WSCD2: variants seen among roughly 807,000 people sequenced by gnomAD.
WSCD2 encodes the protein WSC domain sialate O sulfotransferase 2.
In WSCD2, 28 loss-of-function variants were observed where a neutral mutation model predicts 55.7. That is an observed-to-expected ratio of 0.50 (90% confidence interval 0.37 to 0.69). The LOEUF is 0.69. Among genes scored for constraint, WSCD2 ranks in the 30% least tolerant of loss-of-function variants. The probability of loss-of-function intolerance (pLI) is 0.00; values close to 1 mark genes in which losing one functional copy is unlikely to be tolerated. For synonymous variants in WSCD2, 301 were observed against 301.9 expected (o/e 1.00, Z 0.03); for missense variants, 616 against 762.1 (o/e 0.81, Z 2.26).
chr12:108,154,943 T>C (rs750273601), intron 1 of WSCD2, among the ~76,000 whole-genome samples: 13 of 152,216 alleles, frequency 8.5e-5, no homozygotes, highest in Non-Finnish European at 1.8e-4. Context: ...AGAGTTTATC[T>C]GTGTACTACC....
rs141712982 is a variant in WSCD2 at position 108,242,798 on chromosome 12, T to G, written c.1345+2254T>G. On this transcript the variant is annotated intron_variant, in intron 8 of 8. Transcript: ENST00000547525. Reference sequence around the variant, plus strand: ...CCAACACCGACAGGCCCCACTCTTTTTCCTTATTCAAAACAGCTGGGAGCT... The same window carrying G: ...CCAACACCGACAGGCCCCACTCTTTGTCCTTATTCAAAACAGCTGGGAGCT... Among the ~76,000 whole-genome samples the G allele has an allele frequency of 2.7e-3, 411 of 152,310 alleles. 2 individuals are homozygous for G. The highest frequency in any genetic ancestry group is 4.9e-3 in the Non-Finnish European group (331 of 68,030).
At chr12:108,240,279 G>C in intron 7 of WSCD2, 65 bp from the exon 8 acceptor site, 1 of 1,594,092 alleles carries the variant, frequency 6.3e-7, no homozygotes, top group Non-Finnish European at 8.6e-7. Flanking sequence ...GCCCAGAAGA[G>C]AGTGGGGTGG....
intron 1 of WSCD2, among the ~76,000 whole-genome samples, chr12:108,138,196 A>G (rs1469027280): frequency 6.6e-6 from 1 of 152,196 alleles, no homozygotes; most frequent in East Asian, 1.9e-4. Context: ...GTGAGGTTCT[A>G]TCGTTTGATG....
rs747762720 is a variant in WSCD2 at position 108,196,222 on chromosome 12, C to A, written c.382+8C>A. 3.1e-6 allele frequency: 5 copies of A among 1,607,424 alleles called. No individual in the cohort carries two copies. Among genetic ancestry groups the A allele is most frequent in the Non-Finnish European group, 4.2e-6 (5 of 1,176,912 alleles). ...AGAAGGAGGAAGAGCGAGGTAAGAG[C>A]GAGGAACATCTGGACACTGAGGGGC... On this transcript the variant is annotated splice_region_variant and intron_variant, in intron 2 of 8. Transcript: ENST00000547525.
chr12:108,174,668 G>C (rs1444965387), intron 1 of WSCD2, among the ~76,000 whole-genome samples: 1 of 152,214 alleles, frequency 6.6e-6, no homozygotes, highest in Admixed American at 6.5e-5. Flanking sequence ...AGGCTCGAGT[G>C]CAGTGGCACA....
At chr12:108,162,426 G>GCAA (rs1161512658) in intron 1 of WSCD2, among the ~76,000 whole-genome samples, 1 of 152,120 alleles carries the variant, frequency 6.6e-6, no homozygotes, top group African/African-American at 2.4e-5. Context: ...TCAGATGCAA[G>GCAA]CAACACCCTC....
chr12:108,183,298 G>A (rs1882040811), intron 1 of WSCD2, among the ~76,000 whole-genome samples: 1 of 152,192 alleles, frequency 6.6e-6, no homozygotes, highest in Admixed American at 6.5e-5. Flanking sequence ...GTCCCATGGT[G>A]TCTGCTGTTT....
At chr12:108,234,768 C>A (rs565510722) in intron 7 of WSCD2, among the ~76,000 whole-genome samples, 2 of 152,318 alleles carry the variant, frequency 1.3e-5, no homozygotes, top group South Asian at 2.1e-4. Flanking sequence ...GTGGCAGCAA[C>A]CCTACTCATG....
At position 108,243,120 on chromosome 12, in the gene WSCD2, T is replaced by C. The variant is rs547150938; in HGVS notation, c.1345+2576T>C. 2.4e-3 allele frequency among the ~76,000 whole-genome samples: 363 copies of C among 152,360 alleles called. 3 individuals carry two copies. The highest frequency in any genetic ancestry group is 8.2e-3 in the African/African-American group (341 of 41,576). ...ACACTTGAGTTTGAGACCCTTGCTT[T>C]AAGGTCCTGAATCAGTGGCATCAGC... On this transcript the variant is annotated intron_variant, in intron 8 of 8. Coordinates refer to ENST00000547525, the MANE Select transcript of WSCD2 (RefSeq NM_014653.4).
chr12:108,242,480 C>T (rs1020912985), intron 8 of WSCD2, among the ~76,000 whole-genome samples: 2 of 152,114 alleles, frequency 1.3e-5, no homozygotes, highest in African/African-American at 2.4e-5. Flanking sequence ...CTGGAAAAGA[C>T]CTGGGAGATC....
At chr12:108,182,040 G>A (rs1320479527) in intron 1 of WSCD2, among the ~76,000 whole-genome samples, 1 of 152,178 alleles carries the variant, frequency 6.6e-6, no homozygotes, top group Non-Finnish European at 1.5e-5. Flanking sequence ...TCCAGCTCAA[G>A]TCTAACTGAC....
At chr12:108,142,283 A>G (rs1876902384) in intron 1 of WSCD2, among the ~76,000 whole-genome samples, 1 of 152,222 alleles carries the variant, frequency 6.6e-6, no homozygotes, top group South Asian at 2.1e-4. Flanking sequence ...ACTGATTTAA[A>G]TAACAATTAT....
rs2137261823 is a variant in WSCD2 at position 108,249,740 on chromosome 12, ATATTTTTGT to A, written c.*1398_*1406del. 1 of 152,796 alleles carries A rather than the reference ATATTTTTGT, an allele frequency of 6.5e-6. No individual in the cohort carries two copies. The highest frequency in any genetic ancestry group is 1.5e-5 in the Non-Finnish European group (1 of 68,042). 9.5% of individuals were successfully genotyped at this position (152,796 alleles called of 1,614,324 possible). On this transcript the variant is annotated 3_prime_UTR_variant, in exon 9 of 9. Coordinates refer to ENST00000547525, the MANE Select transcript of WSCD2 (RefSeq NM_014653.4). ...ATGGAGAAGGTGCGTGTAAAGAGAT[ATATTTTTGT>A]AAGAGGAATATGATTAATACATTCC...
intron 1 of WSCD2, among the ~76,000 whole-genome samples, chr12:108,172,725 G>T (rs1238033648): frequency 6.6e-6 from 1 of 152,170 alleles, no homozygotes; most frequent in East Asian, 1.9e-4. Context: ...CTTCCCAGAG[G>T]ACCAACTCTG....
intron 1 of WSCD2, among the ~76,000 whole-genome samples, chr12:108,147,469 C>T (rs1275163895): frequency 6.6e-6 from 1 of 152,096 alleles, no homozygotes; most frequent in East Asian, 1.9e-4. Flanking sequence ...CTCCTGGCTG[C>T]TGTGTAGGGA....
intron 1 of WSCD2, among the ~76,000 whole-genome samples, chr12:108,145,528 C>T (rs1320083475): frequency 6.6e-6 from 1 of 152,208 alleles, no homozygotes. Flanking sequence ...TTAGGACCCT[C>T]ATGCGCTGCT....
At chr12:108,163,494 C>T (rs1424558215) in intron 1 of WSCD2, among the ~76,000 whole-genome samples, 1 of 152,206 alleles carries the variant, frequency 6.6e-6, no homozygotes, top group Non-Finnish European at 1.5e-5. Flanking sequence ...TCCCTGGAAC[C>T]TGCAAATATG....
At chr12:108,188,273 G>A (rs1328237429) in intron 1 of WSCD2, among the ~76,000 whole-genome samples, 1 of 152,134 alleles carries the variant, frequency 6.6e-6, no homozygotes, top group African/African-American at 2.4e-5. Context: ...GTGAGCAAGT[G>A]TAGGGGGCAA....
chr12:108,148,767 G>A lies in WSCD2; in HGVS notation c.-552+18841G>A, dbSNP rs1435414700. ...GCTGTTTATTGAGCTCTTACTAAGT[G>A]CCAGAAACCGGGCTAAACATTGTGT... On this transcript the variant is annotated intron_variant, in intron 1 of 8. Coordinates refer to ENST00000547525, the MANE Select transcript of WSCD2 (RefSeq NM_014653.4). Among the ~76,000 whole-genome samples, 7 of 152,312 alleles carry A rather than the reference G, an allele frequency of 4.6e-5. No individual in the cohort carries two copies. In the South Asian group the frequency reaches 8.3e-4, roughly 18 times the overall value.
Sources: allele counts gnomAD v4.1 joint callset (sites outside exome capture counted in the v4.1 genomes callset), GRCh38; gene constraint gnomAD v4.1.1; transcripts MANE v1.5; gene names NCBI Gene and HGNC (gene_info 2026-07-23, HGNC 2026-07-21).